NAA15: variants seen among roughly 807,000 people sequenced by gnomAD.
NAA15 encodes the protein N-alpha-acetyltransferase 15, NatA auxiliary subunit, also known as N-terminal acetyltransferase.
In NAA15, 34 loss-of-function variants were observed where a neutral mutation model predicts 114.0. The ratio of observed to expected loss-of-function variants is 0.30; its 90% CI spans 0.23 to 0.40. NAA15 has a LOEUF of 0.40. Among genes scored for constraint, NAA15 ranks in the 10% least tolerant of loss-of-function variants. The pLI, the probability that NAA15 is intolerant of heterozygous loss-of-function variation, is 1.00. For synonymous variants in NAA15, 340 were observed against 338.0 expected (o/e 1.01, Z -0.06); for missense variants, 658 against 1,004.5 (o/e 0.66, Z 4.66).
At position 139,304,057 on chromosome 4, in the gene NAA15, A is replaced by G. The variant is rs530756804; in HGVS notation, c.54+2226A>G. Among the ~76,000 whole-genome samples, 9 of 152,282 alleles carry G rather than the reference A, an allele frequency of 5.9e-5. No individual in the cohort carries two copies. In the South Asian group the frequency reaches 8.3e-4, roughly 14 times the overall value. On this transcript the variant is annotated intron_variant, in intron 1 of 19. Coordinates refer to ENST00000296543, the MANE Select transcript of NAA15 (RefSeq NM_057175.5). ...CTTAGCCTCCCAAGTAGCTGGGACT[A>G]CAGGTGCCCGCCACCACGCCTGGCT...
intron 1 of NAA15, among the ~76,000 whole-genome samples, chr4:139,321,450 C>T (rs1211603117): frequency 2.0e-5 from 3 of 150,980 alleles, no homozygotes; most frequent in Non-Finnish European, 2.9e-5. Flanking sequence ...AAACTTGAGC[C>T]ACAGTGCCTG....
chr4:139,385,920 T>C (rs921420011), intron 18 of NAA15, among the ~76,000 whole-genome samples: 2 of 152,230 alleles, frequency 1.3e-5, no homozygotes, highest in African/African-American at 4.8e-5. Flanking sequence ...ATATGTGGTA[T>C]ACCTCTATTG....
At chr4:139,332,884 TTA>T (rs1268154927) in intron 1 of NAA15, among the ~76,000 whole-genome samples, 1 of 152,136 alleles carries the variant, frequency 6.6e-6, no homozygotes, top group Non-Finnish European at 1.5e-5. Flanking sequence ...GCCTGGCCTC[TTA>T]TATAGTCTTA....
In NAA15 at chr4:139,351,590, A is replaced by G. The variant is rs1475006973; in HGVS notation, c.993A>G (p.Ser331=). 3.8e-6 allele frequency: 6 copies of G among 1,565,692 alleles called. No individual in the cohort carries two copies. The highest frequency in any genetic ancestry group is 4.5e-5 in the East Asian group (2 of 44,588). Residue 331 remains serine (S), a synonymous_variant, in exon 9 of 20, where the codon TCA becomes TCG. Transcript: ENST00000296543. ...GCPPVFNTLR[S]LYKDKEKVAI... ...CACCAGTCTTCAATACTTTAAGATC[A>G]TTATACAAAGACAAAGAAAAGGTAA...
chr4:139,353,764 C>G (rs1165594198), intron 9 of NAA15, among the ~76,000 whole-genome samples: 1 of 152,130 alleles, frequency 6.6e-6, no homozygotes, highest in African/African-American at 2.4e-5. Context: ...TATTGCCTGT[C>G]TTTGTCCAAC....
chr4:139,384,758 CACAA>C, intron 17 of NAA15, 70 bp from the exon 18 acceptor site: 1 of 1,051,032 alleles, frequency 9.5e-7, no homozygotes, highest in Non-Finnish European at 1.3e-6. Context: ...CTGTCTCAAA[CACAA>C]ACAAAAATAA....
rs532986148 is a variant in NAA15 at position 139,354,854 on chromosome 4, A to C, written c.1087+756A>C. Among the ~76,000 whole-genome samples the C allele has an allele frequency of 2.0e-5, 3 of 152,280 alleles. No homozygotes were observed. The South Asian group carries it at 6.2e-4, about 32-fold the overall frequency. On this transcript the variant is annotated intron_variant, in intron 10 of 19. Transcript: ENST00000296543. The stretch of plus-strand genomic sequence containing the variant: ...AAGGACTTAACCTAAAACATAACCT[A>C]ATACCATTCTCATACCTGAAAATTA...
At chr4:139,364,140 T>G (rs1424379065) in intron 14 of NAA15, among the ~76,000 whole-genome samples, 3 of 152,360 alleles carry the variant, frequency 2.0e-5, no homozygotes, top group Middle Eastern at 3.4e-3. Context: ...TCTCCCAAAT[T>G]GTTGGGATTA....
At chr4:139,327,281 G>T (rs975668467) in intron 1 of NAA15, among the ~76,000 whole-genome samples, 1 of 151,434 alleles carries the variant, frequency 6.6e-6, no homozygotes, top group Non-Finnish European at 1.5e-5. Context: ...ACAGAGTCTC[G>T]CTCTGTCACC....
intron 1 of NAA15, among the ~76,000 whole-genome samples, chr4:139,318,909 A>C (rs903727524): frequency 1.2e-4 from 18 of 152,274 alleles, no homozygotes; most frequent in African/African-American, 4.3e-4. Flanking sequence ...AAAGCTGTTT[A>C]GCTTGAATAA....
chr4:139,324,535 C>A (rs1056863529), intron 1 of NAA15, among the ~76,000 whole-genome samples: 1 of 152,162 alleles, frequency 6.6e-6, no homozygotes, highest in African/African-American at 2.4e-5. Context: ...CTTTATAAAA[C>A]CTGTTTTAAG....
At chr4:139,322,173 G>A (rs991971325) in intron 1 of NAA15, among the ~76,000 whole-genome samples, 8 of 152,208 alleles carry the variant, frequency 5.3e-5, no homozygotes, top group Non-Finnish European at 1.0e-4. Context: ...CCCACGTGTT[G>A]TGGGAGGGAC....
At position 139,336,609 on chromosome 4, in the gene NAA15, T is replaced by TA. The variant is rs563055049; in HGVS notation, c.140-231dup. On this transcript the variant is annotated intron_variant, in intron 2 of 19. Coordinates refer to ENST00000296543, the MANE Select transcript of NAA15 (RefSeq NM_057175.5). ...AGCATGCATTTTGTATCTTTTATCT[T>TA]AAAAAAAAGGAGAGTCTCTTTCCAA... Among the ~76,000 whole-genome samples, 1,292 of 151,900 alleles carry TA rather than the reference T, an allele frequency of 8.5e-3. 20 individuals are homozygous for TA. The highest frequency in any genetic ancestry group is 0.03 in the African/African-American group (1,236 of 41,480).
At position 139,322,193 on chromosome 4, in the gene NAA15, G is replaced by A. The variant is rs373464157; in HGVS notation, c.55-11981G>A. ...GTGTTGTGGGAGGGACCTGGTAGGA[G>A]GTAATTGAATCATGGGGGAGGGTCT... On this transcript the variant is annotated intron_variant, in intron 1 of 19. Transcript: ENST00000296543. 1.8e-3 allele frequency among the ~76,000 whole-genome samples: 277 copies of A among 152,294 alleles called. 2 individuals carry two copies. The highest frequency in any genetic ancestry group is 6.5e-3 in the African/African-American group (272 of 41,552).
In NAA15 at chr4:139,301,721, G is replaced by A; in HGVS notation, c.-57G>A. ...CTACGGAACGGCAGCGGCGGCGGTC[G>A]GACAAACTGACTGACCGAGCCGGGT... On this transcript the variant is annotated 5_prime_UTR_variant, in exon 1 of 20. Transcript: ENST00000296543. 3.9e-6 allele frequency: 6 copies of A among 1,525,052 alleles called. No individual in the cohort carries two copies. The highest frequency in any genetic ancestry group is 4.4e-6 in the Non-Finnish European group (5 of 1,128,830). 94.5% of individuals were successfully genotyped at this position (1,525,052 alleles called of 1,614,324 possible). A position where few individuals can be genotyped will look rare whatever the true frequency, so the allele number is the denominator to read the frequency against.
At chr4:139,323,704 T>G (rs1001422473) in intron 1 of NAA15, among the ~76,000 whole-genome samples, 3 of 152,208 alleles carry the variant, frequency 2.0e-5, no homozygotes, top group Non-Finnish European at 4.4e-5. Context: ...TTCTTGGGAT[T>G]TACCCTGCTT....
chr4:139,380,694 C>G (rs2110998785), intron 17 of NAA15, among the ~76,000 whole-genome samples: 1 of 152,198 alleles, frequency 6.6e-6, no homozygotes, highest in South Asian at 2.1e-4. Flanking sequence ...ACAAAGTGAT[C>G]TAATTTTGAC....
intron 1 of NAA15, among the ~76,000 whole-genome samples, chr4:139,303,557 G>A (rs1745888126): frequency 6.6e-6 from 1 of 152,158 alleles, no homozygotes; most frequent in African/African-American, 2.4e-5. Context: ...AGCACTTTGG[G>A]AGGCTGAGGC....
chr4:139,314,033 AGTACTGTTTTACATATGTT>A (rs1166875044), intron 1 of NAA15, among the ~76,000 whole-genome samples: 1 of 151,988 alleles, frequency 6.6e-6, no homozygotes, highest in East Asian at 1.9e-4. Flanking sequence ...TTAAAATGGT[AGTACTGTTTTACATATGTT>A]AAATGGTTAA....
Sources: gnomAD v4.1 joint callset for allele counts (sites outside exome capture counted in the v4.1 genomes callset) on GRCh38, gnomAD v4.1.1 for gene constraint, MANE v1.5 for transcripts, NCBI Gene and HGNC (gene_info 2026-07-23, HGNC 2026-07-21) for gene names.